The following TLN2 variants were observed in gnomAD, a reference collection of about 807,000 sequenced individuals.
TLN2 encodes talin 2.
TLN2 carries 118 observed loss-of-function variants against 294.7 expected under a neutral mutation model. That is an observed-to-expected ratio of 0.40 (90% CI 0.34 to 0.47). The LOEUF is 0.47. Among genes scored for constraint, TLN2 ranks in the 20% least tolerant of loss-of-function variants. TLN2 has a pLI of 0.84. For synonymous variants in TLN2, 1,431 were observed against 1,304.5 expected, an observed-to-expected ratio of 1.10 and a Z score of -2.09; for missense variants, 3,083 against 3,282.2, an observed-to-expected ratio of 0.94 and a Z score of 1.48.
chr15:62,762,220 A>C, intron 38 of TLN2, 52 bp from the exon 39 acceptor site: 1 of 1,602,004 alleles, frequency 6.2e-7, no homozygotes. Context: ...GGCCCACGTC[A>C]TTCACTCATG....
At chr15:62,825,793 A>ATT (rs71131130) in intron 54 of TLN2, among the ~76,000 whole-genome samples, 98 of 9,388 alleles carry the variant, frequency 0.01, 2 homozygotes, top group Non-Finnish European at 0.024. Context: ...TATATATTAT[A>ATT]ATATATATTA....
At chr15:62,836,841 A>T (rs913329497) in intron 57 of TLN2, among the ~76,000 whole-genome samples, 8 of 152,186 alleles carry the variant, frequency 5.3e-5, no homozygotes, top group African/African-American at 1.9e-4. Context: ...TCCAGTTGTA[A>T]TCATGGCGAG....
chr15:62,841,118 C>T lies in TLN2; in HGVS notation c.*508C>T, dbSNP rs1473102298. On this transcript the variant is annotated 3_prime_UTR_variant, in exon 59 of 59. Transcript: ENST00000636159. ...ACTCCGGGAGGGTGACTCAGGTCCT[C>T]CTTCCATGTCTTGAGCACTGGCTCA... The T allele has an allele frequency of 1.3e-5, 2 of 152,864 alleles. No homozygotes were observed. The highest frequency in any genetic ancestry group is 4.8e-5 in the African/African-American group (2 of 41,438). 9.5% of individuals were successfully genotyped at this position (152,864 alleles called of 1,614,324 possible). A position where few individuals can be genotyped will look rare whatever the true frequency, so the allele number is the denominator to read the frequency against.
Position 62,820,510 on chromosome 15 carries a change from A to G in TLN2, c.6902A>G (p.Asp2301Gly). ...MKGTEWVDPE[D>G]PTVIAETELL... ...GGAACAGAGTGGGTGGATCCAGAAGACCCAACTGTCATTGCAGAAACAGAG... is the reference window on the plus strand; with the variant it reads ...GGAACAGAGTGGGTGGATCCAGAAGGCCCAACTGTCATTGCAGAAACAGAG... The change falls in exon 54 of 59, where the codon GAC (aspartate) becomes GGC (glycine). Residue 2301 changes from aspartate to glycine, a missense_variant. Coordinates refer to ENST00000636159, the MANE Select transcript of TLN2 (RefSeq NM_015059.3). 6.2e-7 allele frequency: 1 copy of G among 1,613,846 alleles called. No homozygotes were observed. Among genetic ancestry groups the G allele is most frequent in the Non-Finnish European group, 8.5e-7 (1 of 1,179,878 alleles).
intron 1 of TLN2, among the ~76,000 whole-genome samples, chr15:62,487,208 C>T (rs760790282): frequency 2.0e-5 from 3 of 152,264 alleles, no homozygotes; most frequent in Admixed American, 6.5e-5. Context: ...TCTCTTCTGT[C>T]GTTGACTTAC....
At chr15:62,705,950 C>G (rs1266589966) in intron 19 of TLN2, among the ~76,000 whole-genome samples, 1 of 152,224 alleles carries the variant, frequency 6.6e-6, no homozygotes, top group African/African-American at 2.4e-5. Flanking sequence ...TTGATAGATT[C>G]ATGGGTTTCT....
chr15:62,766,847 C>A (rs1460622906), intron 41 of TLN2, among the ~76,000 whole-genome samples: 1 of 152,170 alleles, frequency 6.6e-6, no homozygotes, highest in African/African-American at 2.4e-5. Context: ...AACATAGTGT[C>A]TACTCTTAGA....
intron 25 of TLN2, among the ~76,000 whole-genome samples, chr15:62,720,698 T>G (rs2060088182): frequency 6.6e-6 from 1 of 151,984 alleles, no homozygotes; most frequent in Non-Finnish European, 1.5e-5. Flanking sequence ...TTTAAATTGG[T>G]ATTCATTGTA....
chr15:62,810,673 C>T (rs1447974389), intron 52 of TLN2, among the ~76,000 whole-genome samples: 1 of 152,122 alleles, frequency 6.6e-6, no homozygotes, highest in African/African-American at 2.4e-5. Context: ...GGAGGCGTGA[C>T]TCGCTACAAA....
rs143692912 is a variant in TLN2, at chr15:62,776,369, G to T, written c.5368-395G>T. On this transcript the variant is annotated intron_variant, in intron 42 of 58. Coordinates refer to ENST00000636159, the MANE Select transcript of TLN2 (RefSeq NM_015059.3). ...ATCTTTAGACGGGGAACTATAGTGT[G>T]TTGGGCAACTTTGAAGAGACGTACA... 2.2e-3 allele frequency among the ~76,000 whole-genome samples: 340 copies of T among 152,220 alleles called. 3 individuals are homozygous for T. Among genetic ancestry groups the T allele is most frequent in the African/African-American group, 7.7e-3 (318 of 41,524 alleles).
intron 7 of TLN2, among the ~76,000 whole-genome samples, chr15:62,653,519 T>G (rs1185064306): frequency 6.6e-6 from 1 of 152,026 alleles, no homozygotes; most frequent in Non-Finnish European, 1.5e-5. Flanking sequence ...TGAGGTCAGG[T>G]TTGAGACCAG....
In TLN2 at chr15:62,771,257, C is replaced by G. The variant is rs780879261; in HGVS notation, c.5367+123C>G. 3 of 1,113,062 alleles carry G rather than the reference C, an allele frequency of 2.7e-6. No homozygotes were observed. The Admixed American group carries it at 9.2e-5, about 34-fold the overall frequency. The allele number at this position is 1,113,062 out of a possible 1,614,324, so 68.9% of individuals were successfully genotyped here. On this transcript the variant is annotated intron_variant, in intron 42 of 58. Transcript: ENST00000636159. The stretch of plus-strand genomic sequence containing the variant: ...CTTGCTGGTGGCATTTGAGCTCCCA[C>G]TCTGAGATCAGAAATAATCTATTGG...
chr15:62,569,279 A>G (rs554543334), intron 1 of TLN2, among the ~76,000 whole-genome samples: 1 of 152,336 alleles, frequency 6.6e-6, no homozygotes, highest in Admixed American at 6.5e-5. Context: ...TCCAGGAATT[A>G]AGATGTAGGT....
chr15:62,509,056 A>G (rs973181209), intron 1 of TLN2, among the ~76,000 whole-genome samples: 1 of 152,206 alleles, frequency 6.6e-6, no homozygotes, highest in Non-Finnish European at 1.5e-5. Context: ...AGATAAAGAA[A>G]CTAAACTATA....
In TLN2 at chr15:62,655,929, C is replaced by T; in HGVS notation, c.518-15C>T. On this transcript the variant is annotated splice_polypyrimidine_tract_variant and intron_variant, in intron 7 of 58. Coordinates refer to ENST00000636159, the MANE Select transcript of TLN2 (RefSeq NM_015059.3). ...AAATAAACACAGTTCTCTTATATGT[C>T]TTGTTGTGTTGCAGTAAATTGGCTG... is the stretch of plus-strand genomic sequence containing the variant. 1.9e-6 allele frequency: 3 copies of T among 1,614,042 alleles called. No individual in the cohort carries two copies. The highest frequency in any genetic ancestry group is 2.5e-6 in the Non-Finnish European group (3 of 1,179,960).
At position 62,800,578 on chromosome 15, in the gene TLN2, G is replaced by A. The variant is rs1277633262; in HGVS notation, c.6361-75G>A. 1.1e-5 allele frequency: 17 copies of A among 1,609,008 alleles called. 1 individual carries two copies. Among genetic ancestry groups the A allele is most frequent in the South Asian group, 1.0e-4 (9 of 90,332 alleles). On this transcript the variant is annotated intron_variant, in intron 49 of 58. Transcript: ENST00000636159. ...AGAGGCGTCCTTGCTCATAGCATGCGATCCAGAAGTAAAAGGAGTAGGGGC... is the reference window on the plus strand; with the variant it reads ...AGAGGCGTCCTTGCTCATAGCATGCAATCCAGAAGTAAAAGGAGTAGGGGC...
At chr15:62,786,983 C>T (rs2064715607) in intron 45 of TLN2, among the ~76,000 whole-genome samples, 1 of 152,182 alleles carries the variant, frequency 6.6e-6, no homozygotes, top group African/African-American at 2.4e-5. Context: ...TTACTACAGC[C>T]TTGAGCTCTG....
At chr15:62,753,504 C>T (rs914267407) in intron 35 of TLN2, among the ~76,000 whole-genome samples, 1 of 152,164 alleles carries the variant, frequency 6.6e-6, no homozygotes, top group Non-Finnish European at 1.5e-5. Flanking sequence ...CTTATCCATG[C>T]CCCCAAAGAA....
At chr15:62,551,325 A>T (rs539188293) in intron 1 of TLN2, among the ~76,000 whole-genome samples, 2 of 152,142 alleles carry the variant, frequency 1.3e-5, no homozygotes, top group Admixed American at 1.3e-4. Flanking sequence ...CCTGCTGTAG[A>T]CTGTACTTCT....
Sources: allele counts gnomAD v4.1 joint callset (sites outside exome capture counted in the v4.1 genomes callset), GRCh38; gene constraint gnomAD v4.1.1; transcripts MANE v1.5; gene names NCBI Gene and HGNC (gene_info 2026-07-23, HGNC 2026-07-21).